LMX1A: variants seen among roughly 807,000 people sequenced by gnomAD.
LMX1A encodes LIM homeobox transcription factor 1 alpha, also known as LIM homeobox transcription factor 1-alpha.
A neutral mutation model predicts 49.1 loss-of-function variants in LMX1A; 15 were observed. The ratio of observed to expected loss-of-function variants is 0.31; its 90% CI spans 0.20 to 0.47. The LOEUF is 0.47. Among genes scored for constraint, LMX1A ranks in the 20% least tolerant of loss-of-function variants. The probability of loss-of-function intolerance (pLI) is 1.00; values close to 1 mark genes in which losing one functional copy is unlikely to be tolerated. For missense variants in LMX1A, 372 were observed against 475.8 expected (o/e 0.78, Z 2.03); for synonymous variants, 167 against 185.7 (o/e 0.90, Z 0.82).
At chr1:165,272,608 A>T (rs1463148851) in intron 3 of LMX1A, among the ~76,000 whole-genome samples, 2 of 152,186 alleles carry the variant, frequency 1.3e-5, no homozygotes, top group Non-Finnish European at 2.9e-5. Context: ...CTGTGGGGGC[A>T]GGGAGAGATG....
At chr1:165,298,469 A>C (rs925351038) in intron 3 of LMX1A, among the ~76,000 whole-genome samples, 1 of 152,244 alleles carries the variant, frequency 6.6e-6, no homozygotes, top group African/African-American at 2.4e-5. Context: ...ACACACAGTC[A>C]GGAGGTCCAG....
At chr1:165,282,806 C>T (rs539124839) in intron 3 of LMX1A, among the ~76,000 whole-genome samples, 1 of 152,348 alleles carries the variant, frequency 6.6e-6, no homozygotes, top group South Asian at 2.1e-4. Context: ...GTACTTCTCA[C>T]TATCTCCACT....
At chr1:165,311,866 T>G (rs1466489204) in intron 3 of LMX1A, among the ~76,000 whole-genome samples, 1 of 152,190 alleles carries the variant, frequency 6.6e-6, no homozygotes, top group Admixed American at 6.5e-5. Flanking sequence ...GATGTGCCGT[T>G]CACGATGGCT....
intron 4 of LMX1A, among the ~76,000 whole-genome samples, chr1:165,217,138 C>G (rs10918138): frequency 0.02 from 3,091 of 152,130 alleles, 99 homozygotes; most frequent in African/African-American, 0.07. Flanking sequence ...CAGATATGAC[C>G]CTAGCCAACA....
intron 4 of LMX1A, among the ~76,000 whole-genome samples, chr1:165,230,590 C>A (rs1652204847): frequency 6.6e-6 from 1 of 152,218 alleles, no homozygotes; most frequent in African/African-American, 2.4e-5. Flanking sequence ...CAAATCTCTA[C>A]ATGAATGTGG....
intron 6 of LMX1A, 88 bp from the exon 7 acceptor site, chr1:165,208,220 C>A: frequency 8.3e-7 from 1 of 1,200,904 alleles, no homozygotes; most frequent in Non-Finnish European, 1.2e-6. Context: ...GACACCTTCC[C>A]CGGGAGAGGG....
intron 3 of LMX1A, among the ~76,000 whole-genome samples, chr1:165,257,661 A>G (rs894476594): frequency 2.0e-5 from 3 of 152,176 alleles, no homozygotes; most frequent in African/African-American, 7.2e-5. Context: ...GGAGCCTGGC[A>G]AGTCAGGTCA....
At chr1:165,338,088 T>C (rs988489082) in intron 3 of LMX1A, among the ~76,000 whole-genome samples, 16 of 152,118 alleles carry the variant, frequency 1.1e-4, no homozygotes, top group African/African-American at 3.9e-4. Context: ...ATAAGTACTA[T>C]CTGGACAGAT....
At chr1:165,259,287 T>C (rs1316494076) in intron 3 of LMX1A, among the ~76,000 whole-genome samples, 1 of 152,202 alleles carries the variant, frequency 6.6e-6, no homozygotes, top group Non-Finnish European at 1.5e-5. Flanking sequence ...CAGGCAGCTA[T>C]GGCTATGGTC....
chr1:165,216,041 C>G (rs13375458), intron 4 of LMX1A: 1 of 152,114 alleles, frequency 6.6e-6, no homozygotes, highest in Admixed American at 6.5e-5. Context: ...AAACCCCCCA[C>G]AAGATTAAAG....
At chr1:165,250,839 A>G (rs1232102067) in intron 3 of LMX1A, among the ~76,000 whole-genome samples, 1 of 152,130 alleles carries the variant, frequency 6.6e-6, no homozygotes, top group East Asian at 1.9e-4. Flanking sequence ...AGTCAAACAA[A>G]AGACAGTAAG....
intron 3 of LMX1A, among the ~76,000 whole-genome samples, chr1:165,267,680 A>G (rs1168139394): frequency 1.3e-5 from 2 of 152,212 alleles, no homozygotes; most frequent in African/African-American, 2.4e-5. Flanking sequence ...AGAGGAAGAA[A>G]CCAGGAAGAA....
intron 3 of LMX1A, among the ~76,000 whole-genome samples, chr1:165,269,274 G>C (rs1310223360): frequency 6.6e-6 from 1 of 152,238 alleles, no homozygotes; most frequent in African/African-American, 2.4e-5. Flanking sequence ...TGTTTGCGCA[G>C]AGCCTGCATT....
rs1220160788 is a variant in LMX1A at position 165,270,057 on chromosome 1, A to T, written c.264-20417T>A. Among the ~76,000 whole-genome samples, 4 of 152,290 alleles carry T rather than the reference A, an allele frequency of 2.6e-5. No individual in the cohort carries two copies. The East Asian group carries it at 7.7e-4, about 29-fold the overall frequency. ...GCACCCCAAAACTTAAAAAAAATAT[A>T]TTAAAAAAAAGAAAGAAAATGTCCT... On this transcript the variant is annotated intron_variant, in intron 3 of 8. Coordinates refer to ENST00000342310, the MANE Select transcript of LMX1A (RefSeq NM_177398.4).
intron 3 of LMX1A, among the ~76,000 whole-genome samples, chr1:165,283,342 C>T (rs1484939276): frequency 2.0e-5 from 3 of 152,228 alleles, no homozygotes; most frequent in Non-Finnish European, 2.9e-5. Flanking sequence ...GTGATGTTCA[C>T]ATGACAGAAT....
chr1:165,319,714 C>T (rs1179790986), intron 3 of LMX1A, among the ~76,000 whole-genome samples: 1 of 151,962 alleles, frequency 6.6e-6, no homozygotes, highest in African/African-American at 2.4e-5. Flanking sequence ...AGGCAAAAGG[C>T]AGACAGACAG....
intron 3 of LMX1A, among the ~76,000 whole-genome samples, chr1:165,275,731 A>G (rs1653944356): frequency 6.6e-6 from 1 of 152,136 alleles, no homozygotes; most frequent in Non-Finnish European, 1.5e-5. Flanking sequence ...AGGCAGATGC[A>G]AGGGGAGAAA....
chr1:165,274,640 C>G (rs1653908735), intron 3 of LMX1A, among the ~76,000 whole-genome samples: 1 of 152,188 alleles, frequency 6.6e-6, no homozygotes, highest in Admixed American at 6.5e-5. Flanking sequence ...GGATGGCCAC[C>G]ACCCTCATAA....
intron 3 of LMX1A, among the ~76,000 whole-genome samples, chr1:165,291,867 T>C (rs995444510): frequency 6.6e-6 from 1 of 151,810 alleles, no homozygotes; most frequent in Admixed American, 6.6e-5. Flanking sequence ...ATCGAGACCA[T>C]CCTGGCTAAC....
Sources: allele counts gnomAD v4.1 joint callset (sites outside exome capture counted in the v4.1 genomes callset), GRCh38; gene constraint gnomAD v4.1.1; transcripts MANE v1.5; gene names NCBI Gene and HGNC (gene_info 2026-07-23, HGNC 2026-07-21).